Variants in ATG10 observed in about 807,000 individuals in gnomAD.
ATG10 encodes autophagy related 10.
A neutral mutation model predicts 32.1 loss-of-function variants in ATG10; 30 were observed. The observed-to-expected ratio is 0.94, with a 90% CI of 0.70 to 1.27. The LOEUF (loss-of-function observed/expected upper bound fraction) is 1.27. Among genes scored for constraint, ATG10 ranks in the 50% most tolerant of loss-of-function variants. The pLI is 0.00. For missense variants in ATG10, 233 were observed against 262.3 expected (o/e 0.89, Z 0.77); for synonymous variants, 87 against 91.5 (o/e 0.95, Z 0.28).
intron 7 of ATG10, 24 bp downstream of exon 7, chr5:82,253,453 T>C: frequency 1.4e-6 from 2 of 1,449,620 alleles, no homozygotes; most frequent in Non-Finnish European, 1.9e-6. Context: ...CTGGATTTAA[T>C]GTTTTGCCGT....
intron 3 of ATG10, among the ~76,000 whole-genome samples, chr5:82,124,171 T>C (rs971249566): frequency 6.7e-6 from 1 of 150,354 alleles, no homozygotes; most frequent in Non-Finnish European, 1.5e-5. Context: ...GCCCGGCTAA[T>C]TTTTTGTATT....
intron 2 of ATG10, among the ~76,000 whole-genome samples, chr5:82,043,431 A>G (rs1407842525): frequency 6.6e-6 from 1 of 152,070 alleles, no homozygotes; most frequent in African/African-American, 2.4e-5. Flanking sequence ...CCCTGGAGAC[A>G]TTTTTCCCCA....
intron 3 of ATG10, among the ~76,000 whole-genome samples, chr5:82,119,364 TTAATGC>T (rs1237289509): frequency 1.3e-5 from 2 of 152,350 alleles, no homozygotes; most frequent in Non-Finnish European, 1.5e-5. Context: ...TAAATGGTTG[TTAATGC>T]ATAAGGGTAT....
chr5:82,170,902 A>C (rs1192629968), intron 4 of ATG10, among the ~76,000 whole-genome samples: 1 of 152,096 alleles, frequency 6.6e-6, no homozygotes, highest in East Asian at 1.9e-4. Context: ...AGCCGAGATC[A>C]CGCCACTGCA....
chr5:82,023,306 A>G (rs1247138938), intron 2 of ATG10, among the ~76,000 whole-genome samples: 1 of 152,134 alleles, frequency 6.6e-6, no homozygotes, highest in Non-Finnish European at 1.5e-5. Context: ...TTTTTTAAAA[A>G]CACATGTAAT....
At chr5:82,201,201 A>G (rs1292011591) in intron 5 of ATG10, among the ~76,000 whole-genome samples, 1 of 152,094 alleles carries the variant, frequency 6.6e-6, no homozygotes, top group Non-Finnish European at 1.5e-5. Context: ...TATATTTTTT[A>G]AATCTACTGC....
intron 3 of ATG10, among the ~76,000 whole-genome samples, chr5:82,105,841 G>A (rs1047091869): frequency 2.0e-5 from 3 of 152,074 alleles, no homozygotes; most frequent in African/African-American, 7.2e-5. Context: ...CTAAACCCTT[G>A]TTCTTGTTCA....
intron 3 of ATG10, chr5:82,147,458 C>T (rs570700790): frequency 6.6e-6 from 1 of 152,336 alleles, no homozygotes; most frequent in Non-Finnish European, 1.5e-5. Context: ...GCATGAGCCA[C>T]TGTGCCTGGC....
At chr5:82,120,556 A>G (rs1030686284) in intron 3 of ATG10, among the ~76,000 whole-genome samples, 1 of 152,236 alleles carries the variant, frequency 6.6e-6, no homozygotes, top group African/African-American at 2.4e-5. Context: ...GACTTGATTA[A>G]GTGGAATTGA....
intron 4 of ATG10, among the ~76,000 whole-genome samples, chr5:82,175,195 A>G (rs1743964306): frequency 6.6e-6 from 1 of 152,202 alleles, no homozygotes; most frequent in Non-Finnish European, 1.5e-5. Context: ...GTGAGAAGAA[A>G]ATAGTGCTTA....
chr5:82,073,703 A>C (rs923592372), intron 3 of ATG10: 1 of 152,188 alleles, frequency 6.6e-6, no homozygotes, highest in African/African-American at 2.4e-5. Context: ...AGTAAAACAC[A>C]TATGTGGTAG....
At chr5:82,026,134 ACTC>A (rs1762587603) in intron 2 of ATG10, among the ~76,000 whole-genome samples, 1 of 151,666 alleles carries the variant, frequency 6.6e-6, no homozygotes, top group Non-Finnish European at 1.5e-5. Flanking sequence ...TGAAACAACT[ACTC>A]CTCATTCCCA....
intron 5 of ATG10, among the ~76,000 whole-genome samples, chr5:82,236,803 A>G (rs13175212): frequency 0.43 from 64,594 of 151,952 alleles, 15,857 homozygotes; most frequent in East Asian, 0.89. Context: ...GCTAGAGTAA[A>G]GTGTGGCTCA....
At chr5:81,979,298 T>C (rs1760962260) in intron 1 of ATG10, among the ~76,000 whole-genome samples, 2 of 152,150 alleles carry the variant, frequency 1.3e-5, no homozygotes, top group Non-Finnish European at 2.9e-5. Context: ...GAGGCCGAGA[T>C]GGACGGATCA....
intron 3 of ATG10, chr5:82,078,858 A>T (rs373924081): frequency 6.6e-6 from 1 of 152,330 alleles, no homozygotes; most frequent in East Asian, 1.9e-4. Context: ...GTGCATATCA[A>T]TTGTAACCTG....
rs750347851 is a variant in ATG10, at chr5:82,253,377, T to C, written c.615T>C (p.Pro205=). 3.6e-5 allele frequency: 58 copies of C among 1,612,894 alleles called. No homozygotes were observed. Among genetic ancestry groups the C allele is most frequent in the Non-Finnish European group, 4.8e-5 (57 of 1,178,950 alleles). ...GGCCAGTTGTTGGGCTGAATCTACC[T>C]CTGAGTTATGCCAAAGCAACGTCTC... is the stretch of plus-strand genomic sequence containing the variant. ...IVGPVVGLNL[P]LSYAKATSQD... Residue 205 remains proline (P), a synonymous_variant, in exon 7 of 8, where the codon CCT becomes CCC. Coordinates refer to ENST00000282185, the MANE Select transcript of ATG10 (RefSeq NM_031482.5).
chr5:82,065,562 A>AT (rs1332877727), intron 3 of ATG10, among the ~76,000 whole-genome samples: 1 of 151,734 alleles, frequency 6.6e-6, no homozygotes, highest in African/African-American at 2.4e-5. Context: ...GGGATATCTT[A>AT]TTTTATGTGA....
At chr5:82,124,104 G>A (rs1016958429) in intron 3 of ATG10, among the ~76,000 whole-genome samples, 3 of 132,822 alleles carry the variant, frequency 2.3e-5, no homozygotes, top group Non-Finnish European at 3.1e-5. Context: ...ATGGAGTCTC[G>A]CTCTGTCACC....
At chr5:82,242,433 A>G (rs1002517159) in intron 5 of ATG10, among the ~76,000 whole-genome samples, 1 of 152,112 alleles carries the variant, frequency 6.6e-6, no homozygotes, top group African/African-American at 2.4e-5. Flanking sequence ...GAGGCTAGAG[A>G]GAATGAAGGA....
Sources: gnomAD v4.1 joint callset for allele counts (sites outside exome capture counted in the v4.1 genomes callset) on GRCh38, gnomAD v4.1.1 for gene constraint, MANE v1.5 for transcripts, NCBI Gene and HGNC (gene_info 2026-07-23, HGNC 2026-07-21) for gene names.